EXOSC2: variants seen among roughly 807,000 people sequenced by gnomAD.
EXOSC2 encodes exosome complex component RRP4.
EXOSC2 carries 29 observed loss-of-function variants against 37.6 expected under a neutral mutation model. The observed-to-expected ratio is 0.77, with a 90% CI of 0.57 to 1.05. The LOEUF (loss-of-function observed/expected upper bound fraction) is 1.05. Among genes scored for constraint, EXOSC2 ranks in the 50% least tolerant of loss-of-function variants. The probability of loss-of-function intolerance (pLI) is 0.00; values close to 1 mark genes in which losing one functional copy is unlikely to be tolerated. For synonymous variants in EXOSC2, 119 were observed against 131.1 expected (o/e 0.91, Z 0.63); for missense variants, 346 against 365.6 (o/e 0.95, Z 0.44).
At chr9:130,701,154 C>T (rs1375420205) in intron 6 of EXOSC2, 1 of 483,782 alleles carries the variant, frequency 2.1e-6, no homozygotes. Context: ...CAAGTTTTAT[C>T]CTTTTTCTCC....
At chr9:130,701,002 G>A in intron 6 of EXOSC2, 67 bp downstream of exon 6, 7 of 1,520,136 alleles carry the variant, frequency 4.6e-6, no homozygotes, top group Non-Finnish European at 6.4e-6. Context: ...AATCCCCATA[G>A]CTCTCTGGAA....
chr9:130,702,168 C>T lies in EXOSC2; in HGVS notation c.530C>T (p.Ser177Phe). The T allele has an allele frequency of 6.2e-7, 1 of 1,614,104 alleles. No individual in the cohort carries two copies. Among genetic ancestry groups the T allele is most frequent in the Non-Finnish European group, 8.5e-7 (1 of 1,180,034 alleles). ...GGGGTTTTGGTCCAGGTTTCCCCCT[C>T]CCTGGTGAAACGGCAGAAGACCCAC... The part of the protein sequence containing the change: ...GQGVLVQVSP[S>F]LVKRQKTHFH... Residue 177 changes from serine to phenylalanine, a missense_variant, in exon 7 of 9, where the codon TCC becomes TTC. Coordinates refer to ENST00000372358, the MANE Select transcript of EXOSC2 (RefSeq NM_014285.7).
Position 130,702,310 on chromosome 9 carries a change from G to T in EXOSC2, c.672G>T (p.Glu224Asp). ...EEAGGFIANL[E>D]PVSLADREVI... The stretch of plus-strand genomic sequence containing the variant: ...CAGGGGGCTTCATTGCAAACCTGGA[G>T]GTGAGCAAACACTGTGGCCATTTTC... Residue 224 changes from glutamate (E) to aspartate (D), a missense_variant and splice_region_variant, in exon 7 of 9, where the codon GAG becomes GAT. By Grantham distance (45) the Glu-to-Asp change is conservative. Transcript: ENST00000372358. 6.2e-7 allele frequency: 1 copy of T among 1,613,206 alleles called. No individual in the cohort carries two copies. The highest frequency in any genetic ancestry group is 8.5e-7 in the Non-Finnish European group (1 of 1,179,488).
At position 130,704,025 on chromosome 9, in the gene EXOSC2, T is replaced by C; in HGVS notation, c.*251T>C. On this transcript the variant is annotated 3_prime_UTR_variant, in exon 9 of 9. Coordinates refer to ENST00000372358, the MANE Select transcript of EXOSC2 (RefSeq NM_014285.7). ...GGGAATAGTTTCAGCTCTTTCAAAGTGCACAGTGTTACAGTCGAATGGGCT... is the reference window on the plus strand; with the variant it reads ...GGGAATAGTTTCAGCTCTTTCAAAGCGCACAGTGTTACAGTCGAATGGGCT... The C allele has an allele frequency of 2.9e-6, 1 of 344,744 alleles. No individual in the cohort carries two copies. Among genetic ancestry groups the C allele is most frequent in the South Asian group, 7.5e-5 (1 of 13,368 alleles). The allele number at this position is 344,744 out of a possible 1,614,324, so 21.4% of individuals were successfully genotyped here. A position where few individuals can be genotyped will look rare whatever the true frequency, so the allele number is the denominator to read the frequency against.
chr9:130,698,084 A>T lies in EXOSC2; in HGVS notation c.271-78A>T. 7.2e-7 allele frequency: 1 copy of T among 1,387,150 alleles called. No individual in the cohort carries two copies. Among genetic ancestry groups the T allele is most frequent in the Non-Finnish European group, 1.0e-6 (1 of 977,700 alleles). 85.9% of individuals were successfully genotyped at this position (1,387,150 alleles called of 1,614,324 possible). ...GCTGGGATTACAGGCGTGAGCCACC[A>T]CATCTGGCCTTACTGGTTATTTATG... On this transcript the variant is annotated intron_variant, in intron 3 of 8. Transcript: ENST00000372358. This position sits in a 1 kb window ranked among gnomAD's most constrained non-coding sequence, Gnocchi z 4.1.
Position 130,699,258 on chromosome 9 carries a change from A to G in EXOSC2, c.361-71A>G, listed in dbSNP as rs894884681. 3 of 1,475,098 alleles carry G rather than the reference A, an allele frequency of 2.0e-6. No individual in the cohort carries two copies. The South Asian group carries it at 3.4e-5, about 17-fold the overall frequency. 91.4% of individuals were successfully genotyped at this position (1,475,098 alleles called of 1,614,324 possible). The stretch of plus-strand genomic sequence containing the variant: ...GTTGGCCTCAAACATCTCAAAAGGA[A>G]GTGAAAGAGAAGTGATGGAGACCTT... On this transcript the variant is annotated intron_variant, in intron 4 of 8. Coordinates refer to ENST00000372358, the MANE Select transcript of EXOSC2 (RefSeq NM_014285.7).
intron 7 of EXOSC2, 120 bp from the exon 8 acceptor site, chr9:130,702,933 A>G: frequency 8.1e-7 from 1 of 1,232,282 alleles, no homozygotes; most frequent in Non-Finnish European, 1.1e-6. Context: ...TGTTTGGTTG[A>G]TTTGGAGTTC....
At chr9:130,701,052 G>A in intron 6 of EXOSC2, 117 bp downstream of exon 6, 2 of 907,506 alleles carry the variant, frequency 2.2e-6, no homozygotes, top group Admixed American at 4.4e-5. Flanking sequence ...CATTAATAGA[G>A]GCTGGCATCC....
rs1253989310 is a variant in EXOSC2 at position 130,702,140 on chromosome 9, CA to C, written c.503del (p.Gln168ArgfsTer12). 3 of 1,613,976 alleles carry C rather than the reference CA, an allele frequency of 1.9e-6. No individual in the cohort carries two copies. The highest frequency in any genetic ancestry group is 1.7e-6 in the Non-Finnish European group (2 of 1,179,962). ...TCGTGATATATTTCTTTAGCTAGGT[CA>C]GGGGGTTTTGGTCCAGGTTTCCCCC... ...TRSLKYGKLG[Q>X]GVLVQVSPSL... On this transcript the variant is annotated frameshift_variant, in exon 7 of 9. Transcript: ENST00000372358. LOFTEE classifies it high-confidence loss of function.
At chr9:130,699,993 C>T (rs999737276) in intron 5 of EXOSC2, among the ~76,000 whole-genome samples, 2 of 152,078 alleles carry the variant, frequency 1.3e-5, no homozygotes, top group African/African-American at 4.8e-5. Context: ...GGTGACAGAA[C>T]AAGACTCTGT....
At position 130,703,846 on chromosome 9, in the gene EXOSC2, G is replaced by T; in HGVS notation, c.*72G>T. 7.9e-7 allele frequency: 1 copy of T among 1,270,878 alleles called. No individual in the cohort carries two copies. Among genetic ancestry groups the T allele is most frequent in the South Asian group, 1.4e-5 (1 of 73,442 alleles). The allele number at this position is 1,270,878 out of a possible 1,614,324, so 78.7% of individuals were successfully genotyped here. Reference sequence around the variant, plus strand: ...ACTGTGATGTGTGGTCCCCATATGTGGCTCAGCAAAGACTCGAGAGATCAT... The same window carrying T: ...ACTGTGATGTGTGGTCCCCATATGTTGCTCAGCAAAGACTCGAGAGATCAT... On this transcript the variant is annotated 3_prime_UTR_variant, in exon 9 of 9. Coordinates refer to ENST00000372358, the MANE Select transcript of EXOSC2 (RefSeq NM_014285.7).
chr9:130,703,730 A>G lies in EXOSC2; in HGVS notation c.838A>G (p.Ile280Val). Residue 280 changes from isoleucine (I) to valine (V), a missense_variant, in exon 9 of 9, where the codon ATT (isoleucine) becomes GTT (valine). Ile to Val is a conservative substitution (Grantham distance 29, BLOSUM62 3). Transcript: ENST00000372358. Reference sequence around the variant, plus strand: ...CTTAAAGCCAGAAATAATGGAGGAGATTGTGATGGAAACACGCCAGAGGCT... The same window carrying G: ...CTTAAAGCCAGAAATAATGGAGGAGGTTGTGATGGAAACACGCCAGAGGCT... ...DILKPEIMEE[I>V]VMETRQRLLE... is the part of the protein sequence containing the mutation. 6.2e-7 allele frequency: 1 copy of G among 1,613,840 alleles called. No individual in the cohort carries two copies. Among genetic ancestry groups the G allele is most frequent in the Non-Finnish European group, 8.5e-7 (1 of 1,179,846 alleles).
At chr9:130,697,515 A>T in intron 2 of EXOSC2, 67 bp from the exon 3 acceptor site, 1 of 1,499,344 alleles carries the variant, frequency 6.7e-7, no homozygotes. Context: ...CGACATCTCA[A>T]ATGGTGTGTG....
chr9:130,702,577 G>GTTTT lies in EXOSC2; in HGVS notation c.672+271_672+274dup, dbSNP rs1202275663. 1.9e-4 allele frequency among the ~76,000 whole-genome samples: 19 copies of GTTTT among 102,414 alleles called. 1 individual carries two copies. The South Asian group carries it at 3.9e-3, about 21-fold the overall frequency. 67.2% of individuals were successfully genotyped at this position (102,414 alleles called of 152,430 possible). A position where few individuals can be genotyped will look rare whatever the true frequency, so the allele number is the denominator to read the frequency against. ...CCAGTGAAGAAGCCATTCTTTTTCT[G>GTTTT]TTTTTTTGTTTGTTTGTTTTGTTTT... On this transcript the variant is annotated intron_variant, in intron 7 of 8. Transcript: ENST00000372358.
intron 2 of EXOSC2, among the ~76,000 whole-genome samples, chr9:130,696,325 T>A (rs1305962807): frequency 6.6e-6 from 1 of 152,134 alleles, no homozygotes; most frequent in African/African-American, 2.4e-5. Context: ...AGCAGAGAGC[T>A]GAGGTGGGCG....
chr9:130,701,117 G>C lies in EXOSC2; in HGVS notation c.495+182G>C, dbSNP rs140049904. On this transcript the variant is annotated intron_variant, in intron 6 of 8. Coordinates refer to ENST00000372358, the MANE Select transcript of EXOSC2 (RefSeq NM_014285.7). ...CATCAGGACGGTCAGGGTTCACAGGGTCATGGGTCAGTAGCCTTGTAAAGA... is the reference window on the plus strand; with the variant it reads ...CATCAGGACGGTCAGGGTTCACAGGCTCATGGGTCAGTAGCCTTGTAAAGA... 927 of 598,344 alleles carry C rather than the reference G, an allele frequency of 1.5e-3. 4 individuals are homozygous for C. Among genetic ancestry groups the C allele is most frequent in the African/African-American group, 0.014 (731 of 53,274 alleles). 37.1% of individuals were successfully genotyped at this position (598,344 alleles called of 1,614,324 possible). A position where few individuals can be genotyped will look rare whatever the true frequency, so the allele number is the denominator to read the frequency against.
In EXOSC2 at chr9:130,703,037, CTG is replaced by C; in HGVS notation, c.673-12_673-11del. The stretch of plus-strand genomic sequence containing the variant: ...CCTGTTTGTATTTCCCTTCCCCTCT[CTG>C]TGTCTCCTTATAGCCTGTCTCTCTT... On this transcript the variant is annotated splice_polypyrimidine_tract_variant and intron_variant, in intron 7 of 8. Coordinates refer to ENST00000372358, the MANE Select transcript of EXOSC2 (RefSeq NM_014285.7). 1 of 1,605,060 alleles carries C rather than the reference CTG, an allele frequency of 6.2e-7. No homozygotes were observed. The highest frequency in any genetic ancestry group is 8.5e-7 in the Non-Finnish European group (1 of 1,174,016).
Position 130,704,864 on chromosome 9 carries a change from T to G in EXOSC2, c.*1090T>G, listed in dbSNP as rs1369955656. On this transcript the variant is annotated 3_prime_UTR_variant, in exon 9 of 9. Coordinates refer to ENST00000372358, the MANE Select transcript of EXOSC2 (RefSeq NM_014285.7). ...ACGCCAGAGTTCTCGCTGAAGAATG[T>G]GAGAATTCCTGTGCATTGTTTTTTC... The G allele has an allele frequency of 6.6e-6, 1 of 152,142 alleles. No homozygotes were observed. The highest frequency in any genetic ancestry group is 1.9e-4 in the East Asian group (1 of 5,192). 9.4% of individuals were successfully genotyped at this position (152,142 alleles called of 1,614,324 possible).
chr9:130,695,177 T>A lies in EXOSC2; in HGVS notation c.123-315T>A, dbSNP rs372828936. Among the ~76,000 whole-genome samples, 12 of 152,272 alleles carry A rather than the reference T, an allele frequency of 7.9e-5. No homozygotes were observed. The East Asian group carries it at 1.9e-3, about 24-fold the overall frequency. On this transcript the variant is annotated intron_variant, in intron 1 of 8. Coordinates refer to ENST00000372358, the MANE Select transcript of EXOSC2 (RefSeq NM_014285.7). Reference sequence around the variant, plus strand: ...AGTTATTCAGAATGTTAGGCAATAATGCAATAGGGAAAAAAGTGGAGCAGG... The same window carrying A: ...AGTTATTCAGAATGTTAGGCAATAAAGCAATAGGGAAAAAAGTGGAGCAGG...
Sources: allele counts gnomAD v4.1 joint callset (sites outside exome capture counted in the v4.1 genomes callset), GRCh38; gene constraint gnomAD v4.1.1; non-coding constraint Gnocchi (gnomAD v3.1); transcripts MANE v1.5; gene names NCBI Gene and HGNC (gene_info 2026-07-23, HGNC 2026-07-21).